The following ITGA9 variants were observed in gnomAD, a reference collection of about 807,000 sequenced individuals.
ITGA9 encodes the protein integrin subunit alpha 9, also known as integrin alpha-9.
In ITGA9, 56 loss-of-function variants were observed where a neutral mutation model predicts 127.8. The ratio of observed to expected loss-of-function variants is 0.44; its 90% CI spans 0.35 to 0.55. The LOEUF (loss-of-function observed/expected upper bound fraction) is 0.55, where lower values mean the gene tolerates loss of function less well. Among genes scored for constraint, ITGA9 ranks in the 20% least tolerant of loss-of-function variants. ITGA9 has a pLI of 0.00. For missense variants in ITGA9, 1,196 were observed against 1,347.1 expected (o/e 0.89, Z 1.76); for synonymous variants, 508 against 514.5 (o/e 0.99, Z 0.17).
At chr3:37,532,525 G>C (rs769542594) in intron 13 of ITGA9, among the ~76,000 whole-genome samples, 10 of 152,234 alleles carry the variant, frequency 6.6e-5, no homozygotes, top group Non-Finnish European at 1.5e-4. Flanking sequence ...GAGGGGAGAA[G>C]GTTGAGCGGT....
chr3:37,581,893 G>A lies in ITGA9; in HGVS notation c.1689+39308G>A, dbSNP rs530152055. Among the ~76,000 whole-genome samples the A allele has an allele frequency of 7.2e-5, 11 of 152,320 alleles. No individual in the cohort carries two copies. In the South Asian group the frequency reaches 2.1e-3, roughly 29 times the overall value. On this transcript the variant is annotated intron_variant, in intron 15 of 27. Coordinates refer to ENST00000264741, the MANE Select transcript of ITGA9 (RefSeq NM_002207.3). ...CACAAAATTCAATTGGATACATCTG[G>A]TAGGAGGTGTTCACCTGGAAATCTG...
intron 18 of ITGA9, among the ~76,000 whole-genome samples, chr3:37,694,835 C>A (rs1700867428): frequency 6.6e-6 from 1 of 152,186 alleles, no homozygotes; most frequent in African/African-American, 2.4e-5. Flanking sequence ...TGAAAGACTA[C>A]TAAGCTAAGG....
intron 16 of ITGA9, among the ~76,000 whole-genome samples, chr3:37,640,883 A>C (rs1272227014): frequency 1.3e-5 from 2 of 152,056 alleles, no homozygotes; most frequent in African/African-American, 4.8e-5. Flanking sequence ...ACATGAGGGA[A>C]ATGTGAGAAG....
rs139195025 is a variant in ITGA9, at chr3:37,805,538, G to A, written c.3009+1596G>A. ...CTTCTGTTTCACACTTCTTTTAACAGTGCCACATTAAATATCCCTGGAGCC... is the reference window on the plus strand; with the variant it reads ...CTTCTGTTTCACACTTCTTTTAACAATGCCACATTAAATATCCCTGGAGCC... On this transcript the variant is annotated intron_variant, in intron 27 of 27. Coordinates refer to ENST00000264741, the MANE Select transcript of ITGA9 (RefSeq NM_002207.3). 1.2e-4 allele frequency among the ~76,000 whole-genome samples: 18 copies of A among 152,244 alleles called. 1 individual carries two copies. In the East Asian group the frequency reaches 3.5e-3, roughly 29 times the overall value.
At chr3:37,545,873 C>G (rs1039546828) in intron 15 of ITGA9, among the ~76,000 whole-genome samples, 6 of 152,224 alleles carry the variant, frequency 3.9e-5, no homozygotes, top group Non-Finnish European at 8.8e-5. Context: ...CAGCTCTTGT[C>G]ATGACCTGCC....
intron 1 of ITGA9, among the ~76,000 whole-genome samples, chr3:37,463,303 A>G (rs1698336266): frequency 6.6e-6 from 1 of 152,112 alleles, no homozygotes; most frequent in South Asian, 2.1e-4. Context: ...GCTTAAATCA[A>G]CCACCACCTG....
chr3:37,491,739 GT>G (rs1486616168), intron 4 of ITGA9, among the ~76,000 whole-genome samples: 1 of 152,188 alleles, frequency 6.6e-6, no homozygotes, highest in Non-Finnish European at 1.5e-5. Flanking sequence ...GCAAAATCAA[GT>G]TGTATTTTTA....
At chr3:37,781,210 G>A (rs1302644126) in intron 25 of ITGA9, among the ~76,000 whole-genome samples, 6 of 152,222 alleles carry the variant, frequency 3.9e-5, no homozygotes, top group Non-Finnish European at 8.8e-5. Flanking sequence ...AAGCACCCAG[G>A]TGATGCCAGT....
intron 27 of ITGA9, among the ~76,000 whole-genome samples, chr3:37,810,062 C>T (rs146229352): frequency 3.3e-5 from 5 of 152,290 alleles, no homozygotes; most frequent in East Asian, 1.9e-4. Context: ...CAGCGGTTGG[C>T]GGGGACAGTG....
intron 1 of ITGA9, among the ~76,000 whole-genome samples, chr3:37,456,692 C>G (rs887233924): frequency 6.6e-6 from 1 of 152,174 alleles, no homozygotes; most frequent in Non-Finnish European, 1.5e-5. Context: ...ATGTGCTGGG[C>G]TTTTTGCTTT....
intron 15 of ITGA9, among the ~76,000 whole-genome samples, chr3:37,610,028 G>A (rs1700002028): frequency 6.6e-6 from 1 of 152,188 alleles, no homozygotes; most frequent in Non-Finnish European, 1.5e-5. Flanking sequence ...GGGTGACAGA[G>A]GCACATGGAG....
At chr3:37,798,646 A>T (rs935832538) in intron 26 of ITGA9, among the ~76,000 whole-genome samples, 6 of 152,246 alleles carry the variant, frequency 3.9e-5, no homozygotes, top group Non-Finnish European at 8.8e-5. Flanking sequence ...TAAGTTATAA[A>T]TGACTCTTGC....
At chr3:37,618,992 C>G (rs1248815722) in intron 15 of ITGA9, among the ~76,000 whole-genome samples, 1 of 152,176 alleles carries the variant, frequency 6.6e-6, no homozygotes, top group Admixed American at 6.5e-5. Flanking sequence ...CTGACACTCC[C>G]CAGTGAGGTG....
intron 18 of ITGA9, among the ~76,000 whole-genome samples, chr3:37,718,302 A>G (rs559618739): frequency 6.6e-6 from 1 of 152,350 alleles, no homozygotes; most frequent in African/African-American, 2.4e-5. Flanking sequence ...CTGGGAGCAC[A>G]GCAGGTAGGC....
chr3:37,765,498 A>G (rs1207830152), intron 23 of ITGA9, among the ~76,000 whole-genome samples: 1 of 152,114 alleles, frequency 6.6e-6, no homozygotes, highest in African/African-American at 2.4e-5. Flanking sequence ...CTGCACATGT[A>G]TGAATGCAAG....
intron 26 of ITGA9, among the ~76,000 whole-genome samples, chr3:37,787,002 TA>T (rs1282500585): frequency 6.6e-6 from 1 of 152,234 alleles, no homozygotes; most frequent in Admixed American, 6.5e-5. Context: ...GGTCATTTAC[TA>T]CTTAGGGTCA....
intron 27 of ITGA9, among the ~76,000 whole-genome samples, chr3:37,812,692 C>T (rs1033634721): frequency 3.3e-5 from 5 of 152,274 alleles, no homozygotes; most frequent in South Asian, 4.1e-4. Flanking sequence ...ACTGTTCCTT[C>T]GGCTTCCAGC....
At position 37,452,418 on chromosome 3, in the gene ITGA9, C is replaced by T; in HGVS notation, c.44C>T (p.Ala15Val). 1 of 1,446,494 alleles carries T rather than the reference C, an allele frequency of 6.9e-7. No individual in the cohort carries two copies. Among genetic ancestry groups the T allele is most frequent in the South Asian group, 1.3e-5 (1 of 75,222 alleles). 89.6% of individuals were successfully genotyped at this position (1,446,494 alleles called of 1,614,324 possible). ...CCGAGGGGCGCCGGGAGGCTCCGCG[C>T]GCTGCTGCTGGCGCTGGTGGTCGCG... Reference protein sequence around the residue: ...AAPRGAGRLRALLLALVVAGI... With the variant: ...AAPRGAGRLRVLLLALVVAGI... Residue 15 changes from alanine to valine, a missense_variant, in exon 1 of 28, where the codon GCG (alanine) becomes GTG (valine). Transcript: ENST00000264741. The surrounding 1 kb of genome is among the most constrained non-coding windows in gnomAD (Gnocchi z 7.3).
rs777042800 is a variant in ITGA9 at position 37,526,087 on chromosome 3, C to T, written c.1373+16C>T. 4 of 1,611,002 alleles carry T rather than the reference C, an allele frequency of 2.5e-6. No homozygotes were observed. The highest frequency in any genetic ancestry group is 2.2e-5 in the East Asian group (1 of 44,868). On this transcript the variant is annotated intron_variant, in intron 13 of 27. Transcript: ENST00000264741. Reference sequence around the variant, plus strand: ...TTCTTCTCAGGTGAGAGGCCCCACTCTTGCTCCTTGAATTGTGCTGTTCAG... The same window carrying T: ...TTCTTCTCAGGTGAGAGGCCCCACTTTTGCTCCTTGAATTGTGCTGTTCAG...
Sources: allele counts gnomAD v4.1 joint callset (sites outside exome capture counted in the v4.1 genomes callset), GRCh38; gene constraint gnomAD v4.1.1; non-coding constraint Gnocchi (gnomAD v3.1); transcripts MANE v1.5; gene names NCBI Gene and HGNC (gene_info 2026-07-23, HGNC 2026-07-21).